The following ZSCAN25 variants were observed in gnomAD, a reference collection of about 807,000 sequenced individuals.
The protein encoded by ZSCAN25 is zinc finger and SCAN domain-containing protein 25.
In ZSCAN25, 27 loss-of-function variants were observed where a neutral mutation model predicts 38.7. The observed-to-expected ratio is 0.70, with a 90% CI of 0.51 to 0.96. The LOEUF is 0.96. Among genes scored for constraint, ZSCAN25 ranks in the 40% least tolerant of loss-of-function variants. ZSCAN25 has a pLI of 0.00. For synonymous variants in ZSCAN25, 273 were observed against 277.7 expected, an observed-to-expected ratio of 0.98 and a Z score of 0.17; for missense variants, 637 against 705.9, an observed-to-expected ratio of 0.90 and a Z score of 1.11.
chr7:99,665,321 G>T, the ZSCAN25 span: 1 of 1,614,046 alleles, frequency 6.2e-7, no homozygotes, highest in Admixed American at 1.7e-5. Context: ...GATGCTGAGT[G>T]GAGAAAGATA....
chr7:99,623,980 A>G, intron 6 of ZSCAN25, 77 bp from the exon 7 acceptor site: 3 of 1,596,024 alleles, frequency 1.9e-6, no homozygotes, highest in Non-Finnish European at 2.6e-6. Context: ...GTTGGGAGGA[A>G]GTTGGATTAC....
the ZSCAN25 span, chr7:99,671,239 TA>T: frequency 6.5e-6 from 1 of 153,550 alleles, no homozygotes; most frequent in Non-Finnish European, 1.4e-5. Flanking sequence ...ACCTCTGCTT[TA>T]ATTCTTATCA....
chr7:99,696,960 C>T, the ZSCAN25 span, among the ~76,000 whole-genome samples: 1 of 152,216 alleles, frequency 6.6e-6, no homozygotes, highest in Admixed American at 6.5e-5. Context: ...GCCTACTTCT[C>T]CTTCACCCTC....
the ZSCAN25 span, chr7:99,714,488 A>G: frequency 6.3e-7 from 1 of 1,598,160 alleles, no homozygotes. Context: ...AAGTGCACCG[A>G]TCATATGTAT....
the ZSCAN25 span, among the ~76,000 whole-genome samples, chr7:99,708,523 C>A: frequency 6.6e-6 from 1 of 152,010 alleles, no homozygotes; most frequent in Non-Finnish European, 1.5e-5. Flanking sequence ...TTCTTTCTCC[C>A]CCACACCTCC....
the ZSCAN25 span, chr7:99,652,554 T>C: frequency 1.2e-6 from 2 of 1,602,588 alleles, no homozygotes; most frequent in East Asian, 2.2e-5. Flanking sequence ...GACTTGTACC[T>C]TTCAGGGCGG....
chr7:99,625,410 C>T (rs1807386154), intron 7 of ZSCAN25, among the ~76,000 whole-genome samples: 1 of 152,148 alleles, frequency 6.6e-6, no homozygotes, highest in Non-Finnish European at 1.5e-5. Flanking sequence ...AATAAAGGCG[C>T]TTGCCTGTGG....
chr7:99,675,834 C>T, the ZSCAN25 span, among the ~76,000 whole-genome samples: 1 of 149,238 alleles, frequency 6.7e-6, no homozygotes, highest in Non-Finnish European at 1.5e-5. Flanking sequence ...GCTGGGACTA[C>T]AGGCATGGGC....
the ZSCAN25 span, chr7:99,663,344 CTCTA>C: frequency 1.0e-6 from 1 of 995,634 alleles, no homozygotes; most frequent in Non-Finnish European, 1.2e-6. Flanking sequence ...CATTCTCAAA[CTCTA>C]TATAATCTTC....
At chr7:99,721,935 A>G in the ZSCAN25 span, among the ~76,000 whole-genome samples, 3 of 152,236 alleles carry the variant, frequency 2.0e-5, no homozygotes, top group Admixed American at 2.0e-4. Context: ...TATTTCTGCA[A>G]GGACACCTGC....
chr7:99,730,456 A>G, the ZSCAN25 span: 2 of 153,686 alleles, frequency 1.3e-5, no homozygotes, highest in Non-Finnish European at 1.4e-5. Context: ...CTGTGTCTCA[A>G]AGTGGCAACA....
the ZSCAN25 span, among the ~76,000 whole-genome samples, chr7:99,702,091 C>A: frequency 1.4e-5 from 2 of 140,180 alleles, no homozygotes; most frequent in African/African-American, 5.3e-5. Context: ...AGATTTCAGT[C>A]TTTTTTTTTT....
chr7:99,634,069 C>G (rs1377151923), downstream of ZSCAN25, among the ~76,000 whole-genome samples: 2 of 152,218 alleles, frequency 1.3e-5, no homozygotes, highest in African/African-American at 4.8e-5. Context: ...GTGGTTGCCT[C>G]ACATTGTGAT....
chr7:99,709,774 ATG>A, the ZSCAN25 span, among the ~76,000 whole-genome samples: 17 of 150,168 alleles, frequency 1.1e-4, no homozygotes, highest in Non-Finnish European at 1.5e-4. Flanking sequence ...TATTATATAT[ATG>A]TGTGTGTGTG....
chr7:99,671,396 G>A, the ZSCAN25 span: 1 of 163,296 alleles, frequency 6.1e-6, no homozygotes, highest in African/African-American at 2.4e-5. Context: ...AAGAGTTACT[G>A]TACAGCTACT....
chr7:99,731,438 C>T, the ZSCAN25 span, among the ~76,000 whole-genome samples: 1 of 152,144 alleles, frequency 6.6e-6, no homozygotes, highest in Non-Finnish European at 1.5e-5. Context: ...TGTGAATGAT[C>T]CTGAGAGGTT....
At chr7:99,663,750 T>G in the ZSCAN25 span, 1 of 1,211,796 alleles carries the variant, frequency 8.3e-7, no homozygotes, top group Admixed American at 4.4e-5. Flanking sequence ...GACATACTAA[T>G]TGTTGTGCCT....
rs372780330 is a variant in ZSCAN25, at chr7:99,629,625, C to T, written c.1240C>T (p.Gln414Ter). ...VCSECWKTFS[Q>*]RHHLEVHQRS... ...CAGCGAGTGCTGGAAAACCTTCAGCCAGAGACACCACCTGGAGGTGCACCA... is the reference window on the plus strand; with the variant it reads ...CAGCGAGTGCTGGAAAACCTTCAGCTAGAGACACCACCTGGAGGTGCACCA... The change falls in exon 8 of 8, where the codon CAG (glutamine) becomes TAG (stop). Residue 414 changes from glutamine (Q) to a stop codon, truncating the protein, a stop_gained. Coordinates refer to ENST00000394152, the MANE Select transcript of ZSCAN25 (RefSeq NM_145115.3). LOFTEE classifies it high-confidence loss of function. The surrounding 1 kb of genome is among the most constrained non-coding windows in gnomAD (Gnocchi z 5.6). The T allele has an allele frequency of 6.8e-6, 11 of 1,613,980 alleles. No individual in the cohort carries two copies. The highest frequency in any genetic ancestry group is 7.6e-6 in the Non-Finnish European group (9 of 1,180,030).
the ZSCAN25 span, among the ~76,000 whole-genome samples, chr7:99,681,907 A>G: frequency 1.3e-5 from 2 of 152,188 alleles, no homozygotes; most frequent in African/African-American, 2.4e-5. Flanking sequence ...AAGAGTTTCC[A>G]CAATGTTTTC....
Sources: gnomAD v4.1 joint callset for allele counts (sites outside exome capture counted in the v4.1 genomes callset) on GRCh38, gnomAD v4.1.1 for gene constraint, Gnocchi (gnomAD v3.1) non-coding constraint, MANE v1.5 for transcripts, NCBI Gene and HGNC (gene_info 2026-07-23, HGNC 2026-07-21) for gene names.